The following ANK3 variants were observed in gnomAD, a reference collection of about 807,000 sequenced individuals.
The protein encoded by ANK3 is ankyrin-3.
ANK3 carries 57 observed loss-of-function variants against 370.9 expected under a neutral mutation model. The ratio of observed to expected loss-of-function variants is 0.15; its 90% CI spans 0.12 to 0.19. The LOEUF is 0.19. ANK3 is among the 10% of genes least tolerant of loss of function. The pLI is 1.00. For missense variants in ANK3, 4,439 were observed against 5,302.1 expected (o/e 0.84, Z 5.06); for synonymous variants, 1,929 against 1,946.3 (o/e 0.99, Z 0.23).
At chr10:60,538,015 G>T (rs1031274490) in intron 2 of ANK3, among the ~76,000 whole-genome samples, 1 of 151,814 alleles carries the variant, frequency 6.6e-6, no homozygotes, top group African/African-American at 2.4e-5. Context: ...TAAAATTTGA[G>T]CACATCAAAA....
chr10:60,660,162 G>C (rs1167552908), intron 1 of ANK3, among the ~76,000 whole-genome samples: 1 of 152,044 alleles, frequency 6.6e-6, no homozygotes, highest in African/African-American at 2.4e-5. Context: ...ATTAAATTTT[G>C]AGCTGTGTCA....
In ANK3 at chr10:60,106,033, A is replaced by G. The variant is rs1282511782; in HGVS notation, c.3200T>C (p.Phe1067Ser). 3 of 1,609,712 alleles carry G rather than the reference A, an allele frequency of 1.9e-6. No homozygotes were observed. Among genetic ancestry groups the G allele is most frequent in the Non-Finnish European group, 2.5e-6 (3 of 1,178,574 alleles). ...LGPVIVEIPH[F>S]GSMRGKEREL... ...TCTCTCTTTTCCTCTCATGGACCCA[A>G]AGTGAGGGATTTCCACTATGACAGG... Residue 1067 changes from phenylalanine (F) to serine (S), a missense_variant, in exon 28 of 44, where the codon TTT becomes TCT. Around this residue, in one of 13 missense-constraint regions of ANK3, gnomAD observed 702 missense variants for 941.5 expected, o/e 0.75. Transcript: ENST00000280772.
At chr10:60,294,340 A>G (rs141199138) in intron 1 of ANK3, among the ~76,000 whole-genome samples, 141 of 152,324 alleles carry the variant, frequency 9.3e-4, no homozygotes, top group African/African-American at 3.3e-3. Context: ...GAGGTTTAAA[A>G]GCCCAGAGGA....
intron 4 of ANK3, among the ~76,000 whole-genome samples, chr10:60,271,656 C>G (rs555268077): frequency 1.3e-5 from 2 of 152,114 alleles, no homozygotes; most frequent in East Asian, 3.9e-4. Context: ...TTTTGTGATT[C>G]AAAAAGTTTA....
chr10:60,232,013 A>G (rs2097253267), intron 8 of ANK3, among the ~76,000 whole-genome samples: 2 of 152,242 alleles, frequency 1.3e-5, no homozygotes, highest in East Asian at 1.9e-4. Flanking sequence ...GCCTATGTAG[A>G]TTATTTCCTA....
chr10:60,297,332 A>G (rs2042752719), intron 1 of ANK3, among the ~76,000 whole-genome samples: 2 of 152,200 alleles, frequency 1.3e-5, no homozygotes, highest in African/African-American at 4.8e-5. Context: ...TATTCTTACA[A>G]AAATCTTACT....
intron 2 of ANK3, among the ~76,000 whole-genome samples, chr10:60,594,007 G>A (rs2133296324): frequency 6.6e-6 from 1 of 152,286 alleles, no homozygotes; most frequent in Admixed American, 6.5e-5. Context: ...TAGTCCCATT[G>A]AAGCTTCCTT....
chr10:60,377,406 C>G (rs993780025), intron 1 of ANK3, among the ~76,000 whole-genome samples: 1 of 152,176 alleles, frequency 6.6e-6, no homozygotes, highest in Admixed American at 6.5e-5. Context: ...TACACAGTGC[C>G]AATATCAATT....
At position 60,084,841 on chromosome 10, in the gene ANK3, C is replaced by A; in HGVS notation, c.3846-11G>T. On this transcript the variant is annotated splice_polypyrimidine_tract_variant and intron_variant, in intron 31 of 43. Coordinates refer to ENST00000280772, the MANE Select transcript of ANK3 (RefSeq NM_020987.5). Reference sequence around the variant, plus strand: ...TCTGCAAGCCAAAATCTGAGCAAAACAAAAAACAGAAGTATGAAAATGTGG... The same window carrying A: ...TCTGCAAGCCAAAATCTGAGCAAAAAAAAAAACAGAAGTATGAAAATGTGG... 3.3e-6 allele frequency: 5 copies of A among 1,504,380 alleles called. No individual in the cohort carries two copies. The highest frequency in any genetic ancestry group is 2.3e-5 in the East Asian group (1 of 43,112). 93.2% of individuals were successfully genotyped at this position (1,504,380 alleles called of 1,614,324 possible).
intron 4 of ANK3, among the ~76,000 whole-genome samples, chr10:60,272,453 TTTG>T (rs145292305): frequency 5.8e-4 from 84 of 144,204 alleles, no homozygotes; most frequent in African/African-American, 2.0e-3. Context: ...TTAGAAGTTT[TTTG>T]TTGTTGTTGT....
intron 1 of ANK3, among the ~76,000 whole-genome samples, chr10:60,361,959 T>C (rs1245118672): frequency 6.6e-6 from 1 of 152,202 alleles, no homozygotes; most frequent in African/African-American, 2.4e-5. Flanking sequence ...CAAAAAACTT[T>C]AAGGTTGAAA....
chr10:60,675,881 C>T (rs958721800), intron 1 of ANK3, among the ~76,000 whole-genome samples: 1 of 151,916 alleles, frequency 6.6e-6, no homozygotes, highest in African/African-American at 2.4e-5. Context: ...CATTTGGGGC[C>T]ACAGTTCTTC....
rs541133222 is a variant in ANK3 at position 60,175,205 on chromosome 10, G to A, written c.2185-2019C>T. On this transcript the variant is annotated intron_variant, in intron 18 of 43. Transcript: ENST00000280772. ...CTCTCCCTTGGTCGCTGTGCTCCAG[G>A]ACACTGGTCTTCCTGCTGTTACACA... Among the ~76,000 whole-genome samples, 7 of 152,254 alleles carry A rather than the reference G, an allele frequency of 4.6e-5. 1 individual carries two copies. The highest frequency in any genetic ancestry group is 2.9e-5 in the Non-Finnish European group (2 of 68,032).
At chr10:60,349,447 C>T (rs1481058513) in intron 1 of ANK3, among the ~76,000 whole-genome samples, 2 of 152,002 alleles carry the variant, frequency 1.3e-5, no homozygotes, top group African/African-American at 2.4e-5. Flanking sequence ...TCGGTTGATG[C>T]TAAGGAAGAT....
intron 1 of ANK3, among the ~76,000 whole-genome samples, chr10:60,291,534 A>G (rs2041396310): frequency 6.6e-6 from 1 of 152,076 alleles, no homozygotes; most frequent in Non-Finnish European, 1.5e-5. Flanking sequence ...TGACTAGATG[A>G]CAAGCAAGAT....
intron 2 of ANK3, among the ~76,000 whole-genome samples, chr10:60,407,444 G>A (rs1036696845): frequency 1.5e-4 from 23 of 152,130 alleles, no homozygotes; most frequent in African/African-American, 5.1e-4. Flanking sequence ...ACAAAGTTGC[G>A]AGGGTATATG....
intron 2 of ANK3, among the ~76,000 whole-genome samples, chr10:60,441,399 T>C (rs1463696309): frequency 1.3e-5 from 2 of 152,254 alleles, no homozygotes; most frequent in African/African-American, 2.4e-5. Context: ...TGAACTAATA[T>C]ATAATAAAAC....
At chr10:60,464,383 C>A (rs1210738793) in intron 2 of ANK3, among the ~76,000 whole-genome samples, 1 of 144,756 alleles carries the variant, frequency 6.9e-6, no homozygotes, top group Non-Finnish European at 1.6e-5. Flanking sequence ...TTTCTGAAAA[C>A]AAGATAATAG....
At chr10:60,344,095 C>T (rs774431029) in intron 1 of ANK3, among the ~76,000 whole-genome samples, 1 of 152,230 alleles carries the variant, frequency 6.6e-6, no homozygotes, top group Non-Finnish European at 1.5e-5. Flanking sequence ...TAGAAGCAGG[C>T]CTTGCCTGCC....
Sources: gnomAD v4.1 joint callset for allele counts (sites outside exome capture counted in the v4.1 genomes callset) on GRCh38, gnomAD v4.1.1 for gene constraint, gnomAD v4.1.1 regional missense constraint, MANE v1.5 for transcripts, NCBI Gene and HGNC (gene_info 2026-07-23, HGNC 2026-07-21) for gene names.